Variants in ARHGEF6 observed in about 807,000 individuals in gnomAD.
ARHGEF6 encodes the protein rho guanine nucleotide exchange factor 6.
In ARHGEF6, 9 loss-of-function variants were observed where a neutral mutation model predicts 70.3. The observed-to-expected ratio is 0.13, with a 90% CI of 0.08 to 0.22. The LOEUF is 0.22. Among genes scored for constraint, ARHGEF6 ranks in the 10% least tolerant of loss-of-function variants. The probability of loss-of-function intolerance (pLI) is 1.00; values close to 1 mark genes in which losing one functional copy is unlikely to be tolerated. For synonymous variants in ARHGEF6, 201 were observed against 207.8 expected (o/e 0.97, Z 0.28); for missense variants, 470 against 563.0 (o/e 0.83, Z 1.67).
intron 14 of ARHGEF6, 117 bp from the exon 15 acceptor site, chrX:136,680,993 T>C: frequency 1.2e-6 from 1 of 824,004 alleles, no homozygotes; most frequent in Non-Finnish European, 1.8e-6. Flanking sequence ...TCAGGGGTTT[T>C]CATACCTATG....
At chrX:136,703,764 C>T (rs374418591) in intron 9 of ARHGEF6, among the ~76,000 whole-genome samples, 21 of 112,725 alleles carry the variant, frequency 1.9e-4, no homozygotes, top group African/African-American at 3.2e-4. Flanking sequence ...TCAGGTGATC[C>T]GCCCGCCTTG....
chrX:136,727,531 C>CTCTT (rs1377734941), intron 6 of ARHGEF6, among the ~76,000 whole-genome samples: 1 of 88,654 alleles, frequency 1.1e-5, no homozygotes, highest in African/African-American at 4.1e-5. Flanking sequence ...CTCTCTCTCT[C>CTCTT]TCTTTCTTTC....
intron 5 of ARHGEF6, among the ~76,000 whole-genome samples, chrX:136,737,746 A>G (rs183193327): frequency 1.9e-5 from 2 of 102,620 alleles, no homozygotes; most frequent in Admixed American, 2.2e-4. Context: ...TATTTTCTAG[A>G]CCAAACATAA....
At chrX:136,686,599 T>C (rs1569393686) in intron 11 of ARHGEF6, among the ~76,000 whole-genome samples, 2 of 71,649 alleles carry the variant, frequency 2.8e-5, no homozygotes, top group Admixed American at 3.0e-4. Flanking sequence ...TGTGTGTATA[T>C]ATATATATAT....
chrX:136,679,496 C>T (rs371381075), intron 16 of ARHGEF6, 39 bp downstream of exon 16: 860 of 1,198,498 alleles, frequency 7.2e-4, no homozygotes, highest in Non-Finnish European at 9.3e-4. Flanking sequence ...ACGAAATTAA[C>T]TTGTCAGAAG....
Position 136,667,840 on chromosome X carries a change from G to T in ARHGEF6, c.*189C>A. On this transcript the variant is annotated 3_prime_UTR_variant, in exon 22 of 22. Coordinates refer to ENST00000250617, the MANE Select transcript of ARHGEF6 (RefSeq NM_004840.3). ...AACCAATAACCAAACAACAGCAAATGCCCAAGCGCGCACGTGCACGCACAC... is the reference window on the plus strand; with the variant it reads ...AACCAATAACCAAACAACAGCAAATTCCCAAGCGCGCACGTGCACGCACAC... The T allele has an allele frequency of 1.9e-6, 1 of 518,739 alleles. No individual in the cohort carries two copies. The highest frequency in any genetic ancestry group is 3.1e-6 in the Non-Finnish European group (1 of 322,716). 42.7% of individuals were successfully genotyped at this position (518,739 alleles called of 1,213,427 possible).
At chrX:136,772,513 C>T (rs992025322) in intron 2 of ARHGEF6, among the ~76,000 whole-genome samples, 1 of 112,129 alleles carries the variant, frequency 8.9e-6, no homozygotes, top group African/African-American at 3.2e-5. Flanking sequence ...ATGTACCCCA[C>T]AAATATATAC....
At chrX:136,694,041 T>C (rs1051045120) in intron 9 of ARHGEF6, among the ~76,000 whole-genome samples, 3 of 108,341 alleles carry the variant, frequency 2.8e-5, no homozygotes, top group African/African-American at 1.1e-4. Context: ...TTTGCTTCTT[T>C]TTTTGTCCCC....
intron 12 of ARHGEF6, among the ~76,000 whole-genome samples, chrX:136,683,267 C>T (rs1053904045): frequency 1.8e-5 from 2 of 111,979 alleles, no homozygotes; most frequent in African/African-American, 6.5e-5. Flanking sequence ...TATGCTCTAA[C>T]ATGTTTGTTA....
chrX:136,677,136 T>C (rs1333159572), intron 17 of ARHGEF6, among the ~76,000 whole-genome samples: 1 of 112,654 alleles, frequency 8.9e-6, no homozygotes, highest in Non-Finnish European at 1.9e-5. Context: ...GTAGTAATGA[T>C]CACTTTTCAA....
At chrX:136,673,400 T>G (rs750559459) in intron 19 of ARHGEF6, among the ~76,000 whole-genome samples, 10 of 111,667 alleles carry the variant, frequency 9.0e-5, no homozygotes, top group Non-Finnish European at 1.7e-4. Flanking sequence ...GGATAGAGGA[T>G]AGAAGGTCAC....
intron 3 of ARHGEF6, among the ~76,000 whole-genome samples, chrX:136,745,768 A>G (rs190374829): frequency 1.3e-4 from 15 of 111,859 alleles, no homozygotes; most frequent in African/African-American, 4.9e-4. Context: ...TTTCTTACTC[A>G]CACGTAACAA....
chrX:136,779,613 G>A, intron 1 of ARHGEF6, 116 bp from the exon 2 acceptor site: 1 of 618,216 alleles, frequency 1.6e-6, no homozygotes, highest in Non-Finnish European at 2.7e-6. Flanking sequence ...GGGCAACACT[G>A]CTGTCAATCC....
rs991086583 is a variant in ARHGEF6, at chrX:136,780,579, TAAGA to T, written c.165+135_165+138del. 3 of 628,025 alleles carry T rather than the reference TAAGA, an allele frequency of 4.8e-6. No homozygotes were observed. In the Admixed American group the frequency reaches 8.3e-5, roughly 17 times the overall value. 51.8% of individuals were successfully genotyped at this position (628,025 alleles called of 1,213,427 possible). On this transcript the variant is annotated intron_variant, in intron 1 of 21. Transcript: ENST00000250617. The stretch of plus-strand genomic sequence containing the variant: ...TTACATTTTCAAACTACAAAAACAG[TAAGA>T]AAGAATGTCTAACTCTTAGAAAAAT...
At chrX:136,727,415 T>TCTCTCTCTC (rs1569411130) in intron 6 of ARHGEF6, among the ~76,000 whole-genome samples, 7 of 78,707 alleles carry the variant, frequency 8.9e-5, no homozygotes, top group Admixed American at 3.7e-4. Flanking sequence ...CTCTCTCTCT[T>TCTCTCTCTC]TCTTTCTTTC....
chrX:136,706,056 G>C (rs899925692), intron 9 of ARHGEF6, among the ~76,000 whole-genome samples: 1 of 111,801 alleles, frequency 8.9e-6, no homozygotes, highest in African/African-American at 3.3e-5. Flanking sequence ...ACTTGCTTTT[G>C]TCCCACCTGG....
intron 16 of ARHGEF6, among the ~76,000 whole-genome samples, chrX:136,678,277 G>A (rs1603332711): frequency 8.9e-6 from 1 of 111,934 alleles, no homozygotes; most frequent in Non-Finnish European, 1.9e-5. Flanking sequence ...GATTAGTTTT[G>A]TGAAGGATTA....
chrX:136,767,441 C>G, intron 2 of ARHGEF6: 2 of 755,131 alleles, frequency 2.6e-6, no homozygotes, highest in Non-Finnish European at 1.6e-6. Flanking sequence ...AACTCTGTGC[C>G]GCGCCCGCAA....
Position 136,669,793 on chromosome X carries a change from C to T in ARHGEF6, c.2136-257G>A, listed in dbSNP as rs73560793. On this transcript the variant is annotated intron_variant, in intron 20 of 21. Transcript: ENST00000250617. ...TTCCCTCCTCCTTTTCTACTCACTT[C>T]CCAGCTTGGGTGAACAAAACACAAG... 4.2e-3 allele frequency among the ~76,000 whole-genome samples: 472 copies of T among 111,955 alleles called. 5 individuals carry two copies. The highest frequency in any genetic ancestry group is 0.015 in the African/African-American group (453 of 30,824).
Sources: gnomAD v4.1 joint callset for allele counts (sites outside exome capture counted in the v4.1 genomes callset) on GRCh38, gnomAD v4.1.1 for gene constraint, MANE v1.5 for transcripts, NCBI Gene and HGNC (gene_info 2026-07-23, HGNC 2026-07-21) for gene names.